NDST1: variants seen among roughly 807,000 people sequenced by gnomAD.
NDST1 encodes the protein N-deacetylase and N-sulfotransferase 1.
A neutral mutation model predicts 92.8 loss-of-function variants in NDST1; 35 were observed. The observed-to-expected ratio is 0.38, with a 90% CI of 0.29 to 0.50. The LOEUF is 0.50. Among genes scored for constraint, NDST1 ranks in the 20% least tolerant of loss-of-function variants. The pLI is 0.94. For missense variants in NDST1, 822 were observed against 1,182.7 expected, an observed-to-expected ratio of 0.69 and a Z score of 4.47; for synonymous variants, 493 against 500.3, an observed-to-expected ratio of 0.99 and a Z score of 0.19.
At chr5:150,552,891 G>A (rs1561611240) in intron 14 of NDST1, among the ~76,000 whole-genome samples, 1 of 152,138 alleles carries the variant, frequency 6.6e-6, no homozygotes, top group Non-Finnish European at 1.5e-5. Context: ...TTGTCACCCA[G>A]GCTGGAGTGC....
rs1474768264 is a variant in NDST1, at chr5:150,557,333, CTCTCTT to C, written c.*4005_*4010del. The C allele has an allele frequency of 6.5e-6, 1 of 152,682 alleles. No individual in the cohort carries two copies. The highest frequency in any genetic ancestry group is 2.4e-5 in the African/African-American group (1 of 41,452). The allele number at this position is 152,682 out of a possible 1,614,324, so 9.5% of individuals were successfully genotyped here. ...AGGGCACCAAACACATCATATGTCT[CTCTCTT>C]TCTATTTTGGGGTCCCAGGGTTTTC... On this transcript the variant is annotated 3_prime_UTR_variant, in exon 15 of 15. Coordinates refer to ENST00000261797, the MANE Select transcript of NDST1 (RefSeq NM_001543.5). This position sits in a 1 kb window ranked among gnomAD's most constrained non-coding sequence, Gnocchi z 4.7.
chr5:150,509,422 T>A (rs1753616050), intron 1 of NDST1, among the ~76,000 whole-genome samples: 1 of 152,202 alleles, frequency 6.6e-6, no homozygotes, highest in African/African-American at 2.4e-5. Flanking sequence ...CTCACCATTG[T>A]CCTTTGCGGT....
chr5:150,515,908 C>T (rs1384707034), intron 1 of NDST1, among the ~76,000 whole-genome samples: 2 of 152,136 alleles, frequency 1.3e-5, no homozygotes, highest in Admixed American at 6.5e-5. Context: ...TGGAAGCCCC[C>T]TTTGCCAGCC....
chr5:150,501,033 G>A (rs894109352), intron 1 of NDST1, among the ~76,000 whole-genome samples: 1 of 152,208 alleles, frequency 6.6e-6, no homozygotes. Context: ...CACCCCGGAG[G>A]CATGAAACCG....
Position 150,548,290 on chromosome 5 carries a change from G to T in NDST1, c.2218G>T (p.Ala740Ser), listed in dbSNP as rs143628072. The change falls in exon 12 of 15, where the codon GCA (alanine) becomes TCA (serine). Residue 740 changes from alanine to serine, a missense_variant. By Grantham distance (99) the Ala-to-Ser change is moderately conservative. Transcript: ENST00000261797. ...FHEVITAGSD[A>S]SSKLRALQNR... is the part of the protein sequence containing the mutation. ...TGAGGTGATTACCGCCGGCTCTGAC[G>T]CATCCTCGAAGCTGCGTGCCCTCCA... 3.7e-6 allele frequency: 6 copies of T among 1,614,098 alleles called. No individual in the cohort carries two copies. The East Asian group carries it at 1.3e-4, about 36-fold the overall frequency.
rs773501881 is a variant in NDST1, at chr5:150,521,709, G to A, written c.455G>A (p.Arg152Gln). ...LKYVNLDAWNRELLDKYCVAY... is the reference protein window; with the variant it reads ...LKYVNLDAWNQELLDKYCVAY... ...TATGTCAACCTGGACGCCTGGAACC[G>A]GGAGCTGCTGGACAAGTACTGTGTG... The change falls in exon 2 of 15, where the codon CGG (arginine) becomes CAG (glutamine). Residue 152 changes from arginine (R) to glutamine (Q), a missense_variant. Coordinates refer to ENST00000261797, the MANE Select transcript of NDST1 (RefSeq NM_001543.5). This position sits in a 1 kb window ranked among gnomAD's most constrained non-coding sequence, Gnocchi z 5.9. The A allele has an allele frequency of 6.2e-6, 10 of 1,613,892 alleles. No homozygotes were observed. Among genetic ancestry groups the A allele is most frequent in the African/African-American group, 4.0e-5 (3 of 74,906 alleles).
chr5:150,540,372 T>C (rs1170457826), intron 8 of NDST1, 108 bp downstream of exon 8: 3 of 1,220,076 alleles, frequency 2.5e-6, no homozygotes, highest in Non-Finnish European at 3.4e-6. Context: ...GCCTTCACAC[T>C]CTCGCTCGAA....
upstream of NDST1, chr5:150,507,848 T>G (rs1413867581): frequency 6.6e-6 from 1 of 152,498 alleles, no homozygotes; most frequent in Admixed American, 6.5e-5. Context: ...AGGGACATGC[T>G]TTTTCCTTTC....
chr5:150,526,618 G>A (rs961496352), intron 2 of NDST1, among the ~76,000 whole-genome samples: 17 of 152,150 alleles, frequency 1.1e-4, no homozygotes, highest in Non-Finnish European at 2.1e-4. Flanking sequence ...GAGATAGAAC[G>A]CTGAAAATAT....
rs757294061 is a variant in NDST1, at chr5:150,521,296, G to A, written c.42G>A (p.Val14=). ...GCCTCCGGAGGCTGTGTCGGCACGT[G>A]TCCCCGCAGGCTGTCCTTTTCCTGC... The part of the protein sequence containing the change: ...LACLRRLCRH[V]SPQAVLFLLF... Residue 14 remains valine (V), a synonymous_variant, in exon 2 of 15, where the codon GTG becomes GTA. Coordinates refer to ENST00000261797, the MANE Select transcript of NDST1 (RefSeq NM_001543.5). The surrounding 1 kb of genome is among the most constrained non-coding windows in gnomAD (Gnocchi z 5.9). 24 of 1,612,544 alleles carry A rather than the reference G, an allele frequency of 1.5e-5. No individual in the cohort carries two copies. The highest frequency in any genetic ancestry group is 2.0e-5 in the Non-Finnish European group (24 of 1,179,906).
chr5:150,537,611 G>T (rs1188803062), intron 6 of NDST1, among the ~76,000 whole-genome samples: 2 of 152,206 alleles, frequency 1.3e-5, no homozygotes, highest in South Asian at 2.1e-4. Flanking sequence ...ATGACAATGT[G>T]TGCCCGAAAC....
intron 1 of NDST1, among the ~76,000 whole-genome samples, chr5:150,498,873 T>C (rs998599659): frequency 6.6e-6 from 1 of 152,186 alleles, no homozygotes; most frequent in Non-Finnish European, 1.5e-5. Context: ...GCCTCCTTTT[T>C]GGGGAGGAAA....
At chr5:150,539,187 C>T (rs4958646) in intron 6 of NDST1, 41 bp from the exon 7 acceptor site, 1 of 1,537,622 alleles carries the variant, frequency 6.5e-7, no homozygotes, top group Non-Finnish European at 9.0e-7. Flanking sequence ...CACCCTCATG[C>T]CAGAAGGCAC....
chr5:150,521,606 G>A lies in NDST1; in HGVS notation c.352G>A (p.Gly118Ser). Residue 118 changes from glycine (G) to serine (S), a missense_variant, in exon 2 of 15, where the codon GGC (glycine) becomes AGC (serine). Transcript: ENST00000261797. This position sits in a 1 kb window ranked among gnomAD's most constrained non-coding sequence, Gnocchi z 5.9. Reference protein sequence around the residue: ...RFKYRTEIAPGKGDMPTLTDK... With the variant: ...RFKYRTEIAPSKGDMPTLTDK... Reference sequence around the variant, plus strand: ...CAAATACCGCACAGAGATTGCGCCGGGCAAGGGTGACATGCCCACGCTCAC... The same window carrying A: ...CAAATACCGCACAGAGATTGCGCCGAGCAAGGGTGACATGCCCACGCTCAC... 1 of 1,614,044 alleles carries A rather than the reference G, an allele frequency of 6.2e-7. No homozygotes were observed. The highest frequency in any genetic ancestry group is 8.5e-7 in the Non-Finnish European group (1 of 1,180,040).
chr5:150,553,516 C>T lies in NDST1; in HGVS notation c.*184C>T, dbSNP rs575226407. On this transcript the variant is annotated 3_prime_UTR_variant, in exon 15 of 15. Transcript: ENST00000261797. This position sits in a 1 kb window ranked among gnomAD's most constrained non-coding sequence, Gnocchi z 4.2. ...ATCTGCAAGCACCTCGGAGCACCCA[C>T]CGCTGGGTCTGCGGCCTAAGGGACC... 78 of 787,576 alleles carry T rather than the reference C, an allele frequency of 9.9e-5. No homozygotes were observed. The African/African-American group carries it at 1.3e-3, about 13-fold the overall frequency. 48.8% of individuals were successfully genotyped at this position (787,576 alleles called of 1,614,324 possible). A position where few individuals can be genotyped will look rare whatever the true frequency, so the allele number is the denominator to read the frequency against.
At chr5:150,540,981 A>G (rs1581399219) in intron 8 of NDST1, among the ~76,000 whole-genome samples, 2 of 152,360 alleles carry the variant, frequency 1.3e-5, no homozygotes, top group South Asian at 4.1e-4. Context: ...TTTTTGGGAA[A>G]GTCTGCTCCT....
Position 150,556,670 on chromosome 5 carries a change from A to G in NDST1, c.*3338A>G, listed in dbSNP as rs1755875213. The G allele has an allele frequency of 1.3e-5, 2 of 152,188 alleles. No individual in the cohort carries two copies. Among genetic ancestry groups the G allele is most frequent in the Non-Finnish European group, 2.9e-5 (2 of 68,050 alleles). 9.4% of individuals were successfully genotyped at this position (152,188 alleles called of 1,614,324 possible). A position where few individuals can be genotyped will look rare whatever the true frequency, so the allele number is the denominator to read the frequency against. The stretch of plus-strand genomic sequence containing the variant: ...AAACATCATGAAACTTGATCCCTGA[A>G]AGCTTCAGCCTGCATCTCCTAAGAG... On this transcript the variant is annotated 3_prime_UTR_variant, in exon 15 of 15. Transcript: ENST00000261797.
At chr5:150,497,825 A>T (rs1294200345), upstream of NDST1, 2 of 152,246 alleles carry the variant, frequency 1.3e-5, no homozygotes, top group African/African-American at 4.8e-5. Context: ...GGCCCTGAGC[A>T]CCGATCCATG....
chr5:150,526,020 C>T (rs1336775831), intron 2 of NDST1, among the ~76,000 whole-genome samples: 1 of 152,248 alleles, frequency 6.6e-6, no homozygotes, highest in East Asian at 1.9e-4. Flanking sequence ...GCCTCATCTC[C>T]TCCTTTCCCT....
Sources: allele counts gnomAD v4.1 joint callset (sites outside exome capture counted in the v4.1 genomes callset), GRCh38; gene constraint gnomAD v4.1.1; non-coding constraint Gnocchi (gnomAD v3.1); transcripts MANE v1.5; gene names NCBI Gene and HGNC (gene_info 2026-07-23, HGNC 2026-07-21).